Variants in CTNNA3 observed in about 807,000 individuals in gnomAD.
CTNNA3 encodes the protein catenin alpha 3, also known as catenin alpha-3.
Under a neutral mutation model 95.7 loss-of-function variants are expected in CTNNA3, and 76 were observed. The observed-to-expected ratio is 0.79, with a 90% CI of 0.66 to 0.96. The LOEUF is 0.96. Among genes scored for constraint, CTNNA3 ranks in the 40% least tolerant of loss-of-function variants. CTNNA3 has a pLI of 0.00. For synonymous variants in CTNNA3, 431 were observed against 374.4 expected (o/e 1.15, Z -1.74); for missense variants, 1,191 against 1,089.8 (o/e 1.09, Z -1.31).
chr10:66,796,001 T>TTGA (rs1392149401), intron 7 of CTNNA3, among the ~76,000 whole-genome samples: 1 of 152,146 alleles, frequency 6.6e-6, no homozygotes, highest in Non-Finnish European at 1.5e-5. Context: ...TGTGGCTGGT[T>TTGA]TGATCTTTTA....
At chr10:66,650,560 G>A (rs537932349) in intron 9 of CTNNA3, among the ~76,000 whole-genome samples, 2 of 152,144 alleles carry the variant, frequency 1.3e-5, no homozygotes, top group African/African-American at 4.8e-5. Context: ...ATGAAGCCGC[G>A]GACCCTCACG....
At chr10:67,518,725 G>A (rs564789195) in intron 5 of CTNNA3, among the ~76,000 whole-genome samples, 10 of 152,076 alleles carry the variant, frequency 6.6e-5, no homozygotes, top group Admixed American at 1.3e-4. Context: ...TTCACAAAAC[G>A]AAAGCTCTAA....
chr10:66,154,959 T>A (rs189044742), intron 13 of CTNNA3, among the ~76,000 whole-genome samples: 10 of 151,510 alleles, frequency 6.6e-5, no homozygotes, highest in Admixed American at 2.6e-4. Flanking sequence ...AGTAAATATT[T>A]TGGGCTTTGT....
intron 6 of CTNNA3, among the ~76,000 whole-genome samples, chr10:67,216,350 A>G (rs1460539178): frequency 6.6e-6 from 1 of 152,156 alleles, no homozygotes; most frequent in African/African-American, 2.4e-5. Context: ...TATCACTTAC[A>G]TGTGCTTCTG....
chr10:66,184,635 A>G (rs962595933), intron 13 of CTNNA3, among the ~76,000 whole-genome samples: 1 of 152,150 alleles, frequency 6.6e-6, no homozygotes, highest in Non-Finnish European at 1.5e-5. Flanking sequence ...GGACTCTATT[A>G]TTTCAGACTG....
rs573935975 is a variant in CTNNA3 at position 67,755,593 on chromosome 10, G to A, written c.-2+7841C>T. On this transcript the variant is annotated intron_variant, in intron 1 of 17. Transcript: ENST00000684154. Reference sequence around the variant, plus strand: ...GAGGCAGATGGATCATTTGAGGTCAGGAGTTTGAGACCAGCCTGGCCAACA... The same window carrying A: ...GAGGCAGATGGATCATTTGAGGTCAAGAGTTTGAGACCAGCCTGGCCAACA... Among the ~76,000 whole-genome samples the A allele has an allele frequency of 3.9e-5, 6 of 152,178 alleles. No homozygotes were observed. The South Asian group carries it at 1.2e-3, about 32-fold the overall frequency.
In CTNNA3 at chr10:66,936,173, C is replaced by T. The variant is rs16923801; in HGVS notation, c.1048-160649G>A. ...ATTTTTATGGGCTTTACTCTGGTCA[C>T]TTTTATGGTCTAACACACACAGATG... On this transcript the variant is annotated intron_variant, in intron 7 of 17. Coordinates refer to ENST00000433211, the MANE Select transcript of CTNNA3 (RefSeq NM_013266.4). Among the ~76,000 whole-genome samples, 1,431 of 152,212 alleles carry T rather than the reference C, an allele frequency of 9.4e-3. 95 individuals are homozygous for T. Among genetic ancestry groups the T allele is most frequent in the Admixed American group, 0.082 (1,256 of 15,250 alleles).
chr10:65,993,223 C>G (rs556511529), intron 15 of CTNNA3, among the ~76,000 whole-genome samples: 6 of 152,302 alleles, frequency 3.9e-5, no homozygotes, highest in Admixed American at 3.3e-4. Context: ...TACAACTGTT[C>G]AATAAAATGT....
intron 10 of CTNNA3, among the ~76,000 whole-genome samples, chr10:66,608,332 T>C (rs1054390330): frequency 6.6e-6 from 1 of 152,152 alleles, no homozygotes; most frequent in Admixed American, 6.5e-5. Context: ...CCCATGCTCA[T>C]GAATAGGAAG....
chr10:67,415,546 T>C (rs1845511713), intron 5 of CTNNA3, among the ~76,000 whole-genome samples: 1 of 152,150 alleles, frequency 6.6e-6, no homozygotes. Context: ...ATTGAAAGAA[T>C]CAATATTGTT....
intron 5 of CTNNA3, among the ~76,000 whole-genome samples, chr10:67,493,475 T>G (rs1024545218): frequency 1.3e-5 from 2 of 149,302 alleles, no homozygotes; most frequent in African/African-American, 5.0e-5. Flanking sequence ...GGCAGGGGAA[T>G]GGCGTGAACC....
intron 3 of CTNNA3, among the ~76,000 whole-genome samples, chr10:67,555,212 G>C (rs953816246): frequency 6.6e-6 from 1 of 152,104 alleles, no homozygotes; most frequent in African/African-American, 2.4e-5. Flanking sequence ...TGTTCTTTTG[G>C]CTTAGGATTG....
chr10:66,917,575 C>G (rs879580960), intron 7 of CTNNA3, among the ~76,000 whole-genome samples: 1 of 152,114 alleles, frequency 6.6e-6, no homozygotes. Context: ...GACATTGTTT[C>G]AGAAACAAAA....
chr10:66,297,022 T>C (rs1033023818), intron 12 of CTNNA3, among the ~76,000 whole-genome samples: 1 of 152,172 alleles, frequency 6.6e-6, no homozygotes, highest in African/African-American at 2.4e-5. Flanking sequence ...CTTCACATTT[T>C]GTTAATTCTG....
chr10:67,052,053 C>A (rs926617569), intron 7 of CTNNA3, among the ~76,000 whole-genome samples: 68 of 152,144 alleles, frequency 4.5e-4, no homozygotes, highest in African/African-American at 1.6e-3. Flanking sequence ...CCACGCCTGG[C>A]CTAACCTACA....
At chr10:66,073,420 C>T (rs2080482440) in intron 14 of CTNNA3, among the ~76,000 whole-genome samples, 1 of 152,168 alleles carries the variant, frequency 6.6e-6, no homozygotes, top group Non-Finnish European at 1.5e-5. Flanking sequence ...ACAACCTCTT[C>T]AGTCCTGTTC....
At chr10:66,068,885 C>T (rs1401766742) in intron 15 of CTNNA3, among the ~76,000 whole-genome samples, 2 of 152,092 alleles carry the variant, frequency 1.3e-5, no homozygotes, top group African/African-American at 2.4e-5. Flanking sequence ...ATCTAGTTCT[C>T]ATCTCAGAAG....
At chr10:67,726,618 A>C (rs1564841347) in intron 1 of CTNNA3, among the ~76,000 whole-genome samples, 2 of 16,238 alleles carry the variant, frequency 1.2e-4, no homozygotes, top group African/African-American at 2.0e-4. Flanking sequence ...TATAATATAT[A>C]ATATATATTA....
intron 7 of CTNNA3, among the ~76,000 whole-genome samples, chr10:66,922,809 A>G (rs1339059406): frequency 6.6e-6 from 1 of 151,730 alleles, no homozygotes; most frequent in Non-Finnish European, 1.5e-5. Context: ...TTTTATTTTT[A>G]TTTTATTTTT....
Sources: allele counts gnomAD v4.1 joint callset (sites outside exome capture counted in the v4.1 genomes callset), GRCh38; gene constraint gnomAD v4.1.1; transcripts MANE v1.5; gene names NCBI Gene and HGNC (gene_info 2026-07-23, HGNC 2026-07-21).